Variants in LRR1 observed in about 807,000 individuals in gnomAD.
LRR1 encodes leucine-rich repeat protein 1.
In LRR1, 29 loss-of-function variants were observed where a neutral mutation model predicts 31.6. That is an observed-to-expected ratio of 0.92 (90% CI 0.68 to 1.25). The LOEUF is 1.25. LRR1 is among the 50% of genes most tolerant of loss of function. LRR1 has a pLI of 0.00. For synonymous variants in LRR1, 179 were observed against 181.4 expected, an observed-to-expected ratio of 0.99 and a Z score of 0.10; for missense variants, 485 against 487.2, an observed-to-expected ratio of 1.00 and a Z score of 0.04.
rs1199454823 is a variant in LRR1 at position 49,603,903 on chromosome 14, G to A, written c.282+1435G>A. On this transcript the variant is annotated intron_variant, in intron 2 of 3. Coordinates refer to ENST00000298288, the MANE Select transcript of LRR1 (RefSeq NM_152329.4). ...GAGACGGGTTTCACCATGTTGGCCC[G>A]GCTGGTCTCAAACTCCTGACCTCGT... is the stretch of plus-strand genomic sequence containing the variant. Among the ~76,000 whole-genome samples, 8 of 147,558 alleles carry A rather than the reference G, an allele frequency of 5.4e-5. No individual in the cohort carries two copies. In the East Asian group the frequency reaches 6.5e-4, roughly 12 times the overall value.
intron 1 of LRR1, chr14:49,600,206 C>T: frequency 1.4e-6 from 2 of 1,475,182 alleles, no homozygotes; most frequent in Non-Finnish European, 1.9e-6. Context: ...AAGACTATGA[C>T]CATCTGAGGC....
chr14:49,612,792 A>T (rs1039398228), intron 3 of LRR1, among the ~76,000 whole-genome samples: 12 of 152,136 alleles, frequency 7.9e-5, no homozygotes, highest in African/African-American at 2.7e-4. Flanking sequence ...ACAAAGAACA[A>T]GACACCGTGT....
At chr14:49,605,042 C>T (rs947249242) in intron 2 of LRR1, among the ~76,000 whole-genome samples, 1 of 152,002 alleles carries the variant, frequency 6.6e-6, no homozygotes, top group African/African-American at 2.4e-5. Flanking sequence ...ACTATAGGGG[C>T]ACAACACCAT....
At chr14:49,600,168 C>T (rs1881997349) in intron 1 of LRR1, 1 of 1,483,958 alleles carries the variant, frequency 6.7e-7, no homozygotes, top group Non-Finnish European at 9.4e-7. Flanking sequence ...GCAGTACCTC[C>T]TAGGACTCTA....
At chr14:49,606,809 A>G (rs1056460792) in intron 2 of LRR1, among the ~76,000 whole-genome samples, 8 of 151,440 alleles carry the variant, frequency 5.3e-5, no homozygotes, top group African/African-American at 1.9e-4. Context: ...GGCATGCACT[A>G]CCACGCCCAG....
Position 49,608,063 on chromosome 14 carries a change from A to C in LRR1, c.946A>C (p.Lys316Gln). 6.2e-7 allele frequency: 1 copy of C among 1,609,362 alleles called. No individual in the cohort carries two copies. The highest frequency in any genetic ancestry group is 8.5e-7 in the Non-Finnish European group (1 of 1,178,516). ...FEQPKVLPVI[K>Q]LQAPLTLLES... ...ACAACCAAAAGTCCTTCCAGTAATA[A>C]AGCTGCAAGCACCATTAACTTTATT... The change falls in exon 3 of 4, where the codon AAG becomes CAG. Residue 316 changes from lysine (K) to glutamine (Q), a missense_variant. By Grantham distance (53) the Lys-to-Gln change is moderately conservative (BLOSUM62 1). This residue lies in a region of LRR1 where 210 missense variants were observed against 200.4 expected (regional missense o/e 1.05). Transcript: ENST00000298288.
chr14:49,600,250 T>C, intron 1 of LRR1: 1 of 1,487,976 alleles, frequency 6.7e-7, no homozygotes, highest in Non-Finnish European at 9.4e-7. Context: ...GTCTTCCTTA[T>C]ATGCTTCTCG....
intron 2 of LRR1, among the ~76,000 whole-genome samples, chr14:49,606,398 G>A (rs1463990143): frequency 6.8e-6 from 1 of 147,010 alleles, no homozygotes; most frequent in South Asian, 2.2e-4. Context: ...GAGTGCAGTG[G>A]CGCGATCTCG....
chr14:49,611,359 C>T (rs1198247643), intron 3 of LRR1, among the ~76,000 whole-genome samples: 1 of 152,064 alleles, frequency 6.6e-6, no homozygotes, highest in East Asian at 1.9e-4. Flanking sequence ...CCTGTAATCC[C>T]AGCTACTCAG....
intron 1 of LRR1, among the ~76,000 whole-genome samples, chr14:49,599,488 T>C (rs1594582147): frequency 6.6e-6 from 1 of 152,236 alleles, no homozygotes; most frequent in African/African-American, 2.4e-5. Flanking sequence ...TGGATGGCAA[T>C]CCCGCCTGTT....
At position 49,608,273 on chromosome 14, in the gene LRR1, G is replaced by C. The variant is rs568293007; in HGVS notation, c.1004+152G>C. ...TCTTCTTGTTCCTTACCTCTGCTTA[G>C]AATGATTTTTCTCCAGGAAGTCTCA... On this transcript the variant is annotated intron_variant, in intron 3 of 3. Transcript: ENST00000298288. 152 of 831,200 alleles carry C rather than the reference G, an allele frequency of 1.8e-4. No individual in the cohort carries two copies. The African/African-American group carries it at 2.4e-3, about 13-fold the overall frequency. 51.5% of individuals were successfully genotyped at this position (831,200 alleles called of 1,614,324 possible). A position where few individuals can be genotyped will look rare whatever the true frequency, so the allele number is the denominator to read the frequency against.
chr14:49,607,992 G>A lies in LRR1; in HGVS notation c.875G>A (p.Arg292Lys). ...NKLPFLPSEF[R>K]NLSLEYLDLF... is the part of the protein sequence containing the mutation. ...CTTCCATTTTTGCCTAGTGAATTTA[G>A]AAATTTATCCCTTGAATACTTGGAT... The change falls in exon 3 of 4, where the codon AGA (arginine) becomes AAA (lysine). Residue 292 changes from arginine (R) to lysine (K), a missense_variant. This residue lies in a region of LRR1 where 210 missense variants were observed against 200.4 expected (regional missense o/e 1.05). Coordinates refer to ENST00000298288, the MANE Select transcript of LRR1 (RefSeq NM_152329.4). 1 of 1,614,072 alleles carries A rather than the reference G, an allele frequency of 6.2e-7. No individual in the cohort carries two copies. The highest frequency in any genetic ancestry group is 1.1e-5 in the South Asian group (1 of 91,074).
chr14:49,607,627 T>C lies in LRR1; in HGVS notation c.510T>C (p.Asp170=), dbSNP rs755870491. 2 of 1,614,214 alleles carry C rather than the reference T, an allele frequency of 1.2e-6. 1 individual carries two copies. Among genetic ancestry groups the C allele is most frequent in the South Asian group, 2.2e-5 (2 of 91,084 alleles). Residue 170 remains aspartate (D), a synonymous_variant, in exon 3 of 4, where the codon GAT becomes GAC. Coordinates refer to ENST00000298288, the MANE Select transcript of LRR1 (RefSeq NM_152329.4). ...CTTACTGTGGGCTTGTCCGAGTTGA[T>C]ATGCGTATGCTTTGCTTAAAAAGCC... ...QTSYCGLVRV[D]MRMLCLKSLR... is the part of the protein sequence containing the mutation.
At chr14:49,609,993 C>G (rs1882452820) in intron 3 of LRR1, among the ~76,000 whole-genome samples, 1 of 152,136 alleles carries the variant, frequency 6.6e-6, no homozygotes, top group Non-Finnish European at 1.5e-5. Flanking sequence ...CAGGTGTGAG[C>G]CTCTCAAAGT....
intron 2 of LRR1, among the ~76,000 whole-genome samples, chr14:49,605,638 C>T (rs1219710530): frequency 6.6e-6 from 1 of 152,194 alleles, no homozygotes; most frequent in Admixed American, 6.6e-5. Context: ...GGTTTACCTT[C>T]AGTTTTCTTA....
chr14:49,611,219 G>A (rs1882498301), intron 3 of LRR1, among the ~76,000 whole-genome samples: 1 of 152,222 alleles, frequency 6.6e-6, no homozygotes, highest in South Asian at 2.1e-4. Context: ...GCTCACGCCT[G>A]TAACCCCAGC....
intron 3 of LRR1, among the ~76,000 whole-genome samples, chr14:49,609,107 C>CG (rs1882410427): frequency 6.8e-6 from 1 of 147,360 alleles, no homozygotes; most frequent in Admixed American, 6.8e-5. Context: ...TTAGTAGAGA[C>CG]GGGGTTTCAC....
intron 2 of LRR1, among the ~76,000 whole-genome samples, chr14:49,606,934 G>T (rs1176190677): frequency 6.6e-6 from 1 of 152,204 alleles, no homozygotes; most frequent in Non-Finnish European, 1.5e-5. Context: ...TGGGATTACA[G>T]GCGTGAGCCA....
intron 2 of LRR1, among the ~76,000 whole-genome samples, chr14:49,605,964 A>G (rs981064940): frequency 1.3e-5 from 2 of 151,710 alleles, no homozygotes; most frequent in Non-Finnish European, 2.9e-5. Flanking sequence ...ATCTGTCCTC[A>G]TACTGTATTT....
Sources: allele counts gnomAD v4.1 joint callset (sites outside exome capture counted in the v4.1 genomes callset), GRCh38; gene constraint gnomAD v4.1.1; regional missense constraint gnomAD v4.1.1; transcripts MANE v1.5; gene names NCBI Gene and HGNC (gene_info 2026-07-23, HGNC 2026-07-21).